The following PPP1CB variants were observed in gnomAD, a reference collection of about 807,000 sequenced individuals.
PPP1CB encodes the protein serine/threonine-protein phosphatase PP1-beta catalytic subunit.
Under a neutral mutation model 43.7 loss-of-function variants are expected in PPP1CB, and 2 were observed. The observed-to-expected ratio is 0.05, with a 90% confidence interval of 0.02 to 0.14. The LOEUF (loss-of-function observed/expected upper bound fraction) is 0.14. PPP1CB is among the 10% of genes least tolerant of loss of function. The probability of loss-of-function intolerance (pLI) is 1.00; values close to 1 mark genes in which losing one functional copy is unlikely to be tolerated. For synonymous variants in PPP1CB, 136 were observed against 135.6 expected (o/e 1.00, Z -0.02); for missense variants, 84 against 398.0 (o/e 0.21, Z 6.71).
chr2:28,751,856 G>A lies in PPP1CB; in HGVS notation c.-269G>A. On this transcript the variant is annotated 5_prime_UTR_variant, in exon 1 of 8. Transcript: ENST00000395366. ...CGGAGCTGGGCGGTGCCGAGGAGGAGGAGGTGGCGGCCTGGGTCTGACGCG... is the reference window on the plus strand; with the variant it reads ...CGGAGCTGGGCGGTGCCGAGGAGGAAGAGGTGGCGGCCTGGGTCTGACGCG... 1 of 551,324 alleles carries A rather than the reference G, an allele frequency of 1.8e-6. No homozygotes were observed. The highest frequency in any genetic ancestry group is 3.3e-6 in the Non-Finnish European group (1 of 304,178). 34.2% of individuals were successfully genotyped at this position (551,324 alleles called of 1,614,324 possible).
chr2:28,759,837 T>C lies in PPP1CB; in HGVS notation c.52+7661T>C, dbSNP rs569179891. 5.9e-5 allele frequency among the ~76,000 whole-genome samples: 9 copies of C among 152,244 alleles called. No individual in the cohort carries two copies. The East Asian group carries it at 9.7e-4, about 16-fold the overall frequency. ...TTTCACCGTGTTAGCCAGGATGGTA[T>C]TGATCTCCCGACCTCAGGTGATCCG... On this transcript the variant is annotated intron_variant, in intron 1 of 7. Transcript: ENST00000395366.
chr2:28,759,520 CAAAAAAAAAA>C (rs559532367), intron 1 of PPP1CB, among the ~76,000 whole-genome samples: 64,594 of 100,884 alleles, frequency 0.64, 16,958 homozygotes, highest in Middle Eastern at 0.7. Flanking sequence ...ACTGCATCTC[CAAAAAAAAAA>C]AAAAAAAAAA....
At chr2:28,798,757 T>G (rs145105815) in intron 7 of PPP1CB, among the ~76,000 whole-genome samples, 95 of 152,162 alleles carry the variant, frequency 6.2e-4, no homozygotes, top group African/African-American at 2.2e-3. Flanking sequence ...GTTCTAAAAT[T>G]AGATTTATAT....
At chr2:28,791,355 G>C (rs893617753) in intron 6 of PPP1CB, among the ~76,000 whole-genome samples, 3 of 151,910 alleles carry the variant, frequency 2.0e-5, no homozygotes, top group African/African-American at 7.3e-5. Flanking sequence ...TTGTGAGACA[G>C]AGTCTCACAC....
chr2:28,781,412 A>G (rs1005754554), intron 3 of PPP1CB, among the ~76,000 whole-genome samples: 6 of 152,182 alleles, frequency 3.9e-5, no homozygotes, highest in African/African-American at 1.4e-4. Context: ...AACTGTAGTC[A>G]CTGTTATACA....
At chr2:28,796,347 TAAG>T (rs928154430) in intron 7 of PPP1CB, among the ~76,000 whole-genome samples, 27 of 152,214 alleles carry the variant, frequency 1.8e-4, no homozygotes, top group Non-Finnish European at 2.9e-4. Flanking sequence ...GGTAGTTTGA[TAAG>T]AAGAGCATTG....
rs1666549943 is a variant in PPP1CB at position 28,758,797 on chromosome 2, C to G, written c.52+6621C>G. On this transcript the variant is annotated intron_variant, in intron 1 of 7. Transcript: ENST00000395366. ...CAGAACCCTCCCTTGCCAAATTTAC[C>G]TGCATCTGTGCAAAGACAAGTGGAG... Among the ~76,000 whole-genome samples the G allele has an allele frequency of 3.9e-5, 6 of 152,342 alleles. No individual in the cohort carries two copies. In the South Asian group the frequency reaches 1.2e-3, roughly 32 times the overall value.
intron 4 of PPP1CB, chr2:28,782,463 T>A (rs1212601968): frequency 3.3e-5 from 5 of 153,524 alleles, no homozygotes; most frequent in African/African-American, 7.2e-5. Flanking sequence ...AATTGAGTAA[T>A]AAAAGGTATT....
chr2:28,783,791 C>A, intron 4 of PPP1CB, 116 bp from the exon 5 acceptor site: 3 of 661,582 alleles, frequency 4.5e-6, no homozygotes, highest in Admixed American at 2.8e-5. Context: ...GAACACTTTT[C>A]AGTATCTTTA....
chr2:28,763,381 G>A lies in PPP1CB; in HGVS notation c.52+11205G>A, dbSNP rs192368328. ...TGGGGTTTGGTGCCACTGACTTGGT[G>A]TGTACTGAGACACTTAACAGTTTTA... is the stretch of plus-strand genomic sequence containing the variant. On this transcript the variant is annotated intron_variant, in intron 1 of 7. Coordinates refer to ENST00000395366, the MANE Select transcript of PPP1CB (RefSeq NM_002709.3). Among the ~76,000 whole-genome samples, 34 of 152,052 alleles carry A rather than the reference G, an allele frequency of 2.2e-4. No individual in the cohort carries two copies. In the East Asian group the frequency reaches 6.2e-3, roughly 28 times the overall value.
At chr2:28,783,772 C>A in intron 4 of PPP1CB, 135 bp from the exon 5 acceptor site, 5 of 569,746 alleles carry the variant, frequency 8.8e-6, no homozygotes, top group East Asian at 3.2e-5. Context: ...AAAAAAAAGA[C>A]GTTAAAAGGA....
chr2:28,763,704 TTA>T (rs1666713567), intron 1 of PPP1CB, among the ~76,000 whole-genome samples: 1 of 53,820 alleles, frequency 1.9e-5, no homozygotes, highest in Non-Finnish European at 6.1e-5. Flanking sequence ...TGAATCCACG[TTA>T]GTTATTCTTT....
chr2:28,769,255 G>A (rs543419294), intron 1 of PPP1CB, among the ~76,000 whole-genome samples: 1 of 152,312 alleles, frequency 6.6e-6, no homozygotes, highest in South Asian at 2.1e-4. Context: ...TTTATTTTGA[G>A]ATGGAGTTTT....
chr2:28,779,812 T>A (rs1255450413), intron 3 of PPP1CB, among the ~76,000 whole-genome samples: 1 of 152,208 alleles, frequency 6.6e-6, no homozygotes, highest in Non-Finnish European at 1.5e-5. Flanking sequence ...TATAATGATT[T>A]GACAAAGTTT....
chr2:28,787,722 T>C (rs1667301923), intron 5 of PPP1CB, among the ~76,000 whole-genome samples: 1 of 152,208 alleles, frequency 6.6e-6, no homozygotes, highest in Non-Finnish European at 1.5e-5. Flanking sequence ...TTTACTATAC[T>C]AAGCCCTTTG....
At chr2:28,794,685 G>A (rs1262218662) in intron 7 of PPP1CB, among the ~76,000 whole-genome samples, 1 of 151,474 alleles carries the variant, frequency 6.6e-6, no homozygotes, top group Non-Finnish European at 1.5e-5. Flanking sequence ...AGCGAGACTT[G>A]GCCCCCAAAA....
rs535698601 is a variant in PPP1CB, at chr2:28,799,202, T to C, written c.883T>C (p.Leu295=). ...TTTGTTAATAATTTACTTTAAGATA[T>C]TGAAACCATCTGAAAAGAAAGCTAA... ...DETLMCSFQI[L]KPSEKKAKYQ... is the part of the protein sequence containing the mutation. The change falls in exon 8 of 8, where the codon TTG becomes CTG. Residue 295 remains leucine, a synonymous_variant. Coordinates refer to ENST00000395366, the MANE Select transcript of PPP1CB (RefSeq NM_002709.3). The C allele has an allele frequency of 4.5e-6, 7 of 1,566,524 alleles. No individual in the cohort carries two copies. In the South Asian group the frequency reaches 4.6e-5, roughly 10 times the overall value.
chr2:28,780,044 A>G (rs1197635533), intron 3 of PPP1CB, among the ~76,000 whole-genome samples: 1 of 151,936 alleles, frequency 6.6e-6, no homozygotes, highest in African/African-American at 2.4e-5. Context: ...ATGCTTAATG[A>G]AAATAGCCTT....
intron 3 of PPP1CB, among the ~76,000 whole-genome samples, chr2:28,780,633 G>A (rs1401675329): frequency 6.6e-6 from 1 of 152,164 alleles, no homozygotes; most frequent in African/African-American, 2.4e-5. Context: ...AATAATGTAT[G>A]GGAGAGCAAC....
Sources: allele counts gnomAD v4.1 joint callset (sites outside exome capture counted in the v4.1 genomes callset), GRCh38; gene constraint gnomAD v4.1.1; transcripts MANE v1.5; gene names NCBI Gene and HGNC (gene_info 2026-07-23, HGNC 2026-07-21).